The following KYAT3 variants were observed in gnomAD, a reference collection of about 807,000 sequenced individuals.
The protein encoded by KYAT3 is kynurenine aminotransferase 3, also known as kynurenine--oxoglutarate transaminase 3.
In KYAT3, 50 loss-of-function variants were observed where a neutral mutation model predicts 59.0. The ratio of observed to expected loss-of-function variants is 0.85; its 90% CI spans 0.68 to 1.07. The LOEUF is 1.07. Ranked by LOEUF, KYAT3 falls within the 50% of genes least tolerant of loss-of-function variation. The pLI is 0.00. For synonymous variants in KYAT3, 148 were observed against 177.0 expected, an observed-to-expected ratio of 0.84 and a Z score of 1.30; for missense variants, 497 against 533.3, an observed-to-expected ratio of 0.93 and a Z score of 0.67.
At chr1:88,955,872 CGT>C (rs1251224775) in intron 8 of KYAT3, among the ~76,000 whole-genome samples, 4 of 151,914 alleles carry the variant, frequency 2.6e-5, no homozygotes, top group Admixed American at 2.6e-4. Flanking sequence ...TGTGTATGGG[CGT>C]GTGTTTTGCT....
chr1:88,982,853 T>C, intron 2 of KYAT3: 1 of 1,613,982 alleles, frequency 6.2e-7, no homozygotes, highest in Non-Finnish European at 8.5e-7. Context: ...TGAGTAACTG[T>C]CTCGACTTCC....
the KYAT3 span, among the ~76,000 whole-genome samples, chr1:88,923,035 T>C: frequency 6.6e-6 from 1 of 152,172 alleles, no homozygotes; most frequent in Non-Finnish European, 1.5e-5. Flanking sequence ...AACTGTGAAA[T>C]GGAGCTTGGT....
intron 2 of KYAT3, among the ~76,000 whole-genome samples, chr1:88,970,869 A>C (rs1474573538): frequency 6.6e-6 from 1 of 152,180 alleles, no homozygotes; most frequent in Non-Finnish European, 1.5e-5. Context: ...TATTAAATAG[A>C]CCATTGTTCT....
downstream of KYAT3, among the ~76,000 whole-genome samples, chr1:88,931,708 T>C (rs2101003677): frequency 6.6e-6 from 1 of 151,436 alleles, no homozygotes; most frequent in East Asian, 1.9e-4. Context: ...CTCAGTAAAA[T>C]GCTAATTAGG....
intron 2 of KYAT3, among the ~76,000 whole-genome samples, chr1:88,974,601 T>G (rs1425159974): frequency 6.6e-6 from 1 of 151,180 alleles, no homozygotes; most frequent in Non-Finnish European, 1.5e-5. Context: ...AGCCTGGGAC[T>G]GAGAGATGAA....
chr1:88,946,602 C>A (rs1413519102), intron 11 of KYAT3, among the ~76,000 whole-genome samples: 1 of 152,066 alleles, frequency 6.6e-6, no homozygotes, highest in African/African-American at 2.4e-5. Context: ...AATAATAATT[C>A]ATATGGAAAT....
chr1:88,987,626 T>G (rs956103099), intron 2 of KYAT3, among the ~76,000 whole-genome samples: 2 of 152,214 alleles, frequency 1.3e-5, no homozygotes, highest in Non-Finnish European at 2.9e-5. Flanking sequence ...GATTCAGTAA[T>G]TCTCAAGATT....
chr1:88,967,820 T>C (rs1296041768), intron 4 of KYAT3, among the ~76,000 whole-genome samples: 1 of 152,214 alleles, frequency 6.6e-6, no homozygotes, highest in African/African-American at 2.4e-5. Context: ...TACTTATTGA[T>C]CTTTTCAAAG....
chr1:88,984,204 C>CTTTTTTTTTTTTTTTTTTTT (rs908183722), intron 2 of KYAT3: 8 of 81,470 alleles, frequency 9.8e-5, no homozygotes, highest in African/African-American at 2.2e-4. Flanking sequence ...TTTTTTGTTG[C>CTTTTTTTTTTTTTTTTTTTT]TTTTTTTTTT....
intron 13 of KYAT3, among the ~76,000 whole-genome samples, chr1:88,938,838 C>T (rs567635151): frequency 6.6e-5 from 10 of 152,118 alleles, no homozygotes; most frequent in Non-Finnish European, 1.2e-4. Flanking sequence ...TCAAGCAGCC[C>T]CCACTGGTGA....
intron 1 of KYAT3, among the ~76,000 whole-genome samples, chr1:88,992,284 A>G (rs1008894238): frequency 1.1e-4 from 17 of 152,192 alleles, no homozygotes; most frequent in Admixed American, 7.9e-4. Context: ...TTTTTAAATT[A>G]AGAGTCCCAA....
intron 5 of KYAT3, among the ~76,000 whole-genome samples, chr1:88,962,686 A>G (rs959337660): frequency 5.3e-5 from 8 of 152,130 alleles, no homozygotes; most frequent in African/African-American, 1.2e-4. Flanking sequence ...TTTAGTAGAG[A>G]TGGGGTTTCG....
Position 88,936,367 on chromosome 1 carries a change from T to C in KYAT3, c.1303-122A>G, listed in dbSNP as rs1570766244. Reference sequence around the variant, plus strand: ...ATATCTGATCTCAAGTGAAGAAAAATTTTCAAAGTGAAAAAGCAAAAGCAG... The same window carrying C: ...ATATCTGATCTCAAGTGAAGAAAAACTTTCAAAGTGAAAAAGCAAAAGCAG... On this transcript the variant is annotated intron_variant, in intron 13 of 13. Transcript: ENST00000260508. 3 of 749,286 alleles carry C rather than the reference T, an allele frequency of 4.0e-6. No individual in the cohort carries two copies. The East Asian group carries it at 8.2e-5, about 20-fold the overall frequency. 46.4% of individuals were successfully genotyped at this position (749,286 alleles called of 1,614,324 possible). A position where few individuals can be genotyped will look rare whatever the true frequency, so the allele number is the denominator to read the frequency against.
chr1:88,936,269 C>G, intron 13 of KYAT3, 24 bp from the exon 14 acceptor site: 2 of 1,492,240 alleles, frequency 1.3e-6, no homozygotes, highest in Non-Finnish European at 1.9e-6. Context: ...AAATAATCAT[C>G]ATTATTACAG....
chr1:88,950,318 A>G (rs1375952930), intron 10 of KYAT3, among the ~76,000 whole-genome samples: 1 of 152,202 alleles, frequency 6.6e-6, no homozygotes, highest in Admixed American at 6.5e-5. Flanking sequence ...GCAGTAAAAC[A>G]GAATTAGTAA....
chr1:88,945,091 G>A (rs911788354), intron 11 of KYAT3, among the ~76,000 whole-genome samples: 4 of 152,008 alleles, frequency 2.6e-5, no homozygotes, highest in Admixed American at 6.6e-5. Flanking sequence ...TGATACACCC[G>A]CCTCGGCCTC....
chr1:88,958,984 A>C (rs1487961369), intron 8 of KYAT3, among the ~76,000 whole-genome samples: 1 of 152,188 alleles, frequency 6.6e-6, no homozygotes, highest in Non-Finnish European at 1.5e-5. Flanking sequence ...ACACCCTCAT[A>C]AATCAAACTG....
At chr1:88,980,736 T>C (rs926573020) in intron 2 of KYAT3, 3 of 152,190 alleles carry the variant, frequency 2.0e-5, no homozygotes, top group Non-Finnish European at 2.9e-5. Context: ...TTAGGATATC[T>C]AAATATTTTA....
chr1:88,965,041 A>G, intron 4 of KYAT3, 63 bp from the exon 5 acceptor site: 1 of 1,252,956 alleles, frequency 8.0e-7, no homozygotes, highest in South Asian at 1.4e-5. Context: ...GTTTGAGGTA[A>G]TATGGCTCTA....
Sources: gnomAD v4.1 joint callset for allele counts (sites outside exome capture counted in the v4.1 genomes callset) on GRCh38, gnomAD v4.1.1 for gene constraint, MANE v1.5 for transcripts, NCBI Gene and HGNC (gene_info 2026-07-23, HGNC 2026-07-21) for gene names.